ARHGAP22: variants seen among roughly 807,000 people sequenced by gnomAD.
ARHGAP22 encodes the protein Rho GTPase activating protein 22.
Under a neutral mutation model 59.1 loss-of-function variants are expected in ARHGAP22, and 48 were observed. That is an observed-to-expected ratio of 0.81 (90% confidence interval 0.64 to 1.03). The LOEUF (loss-of-function observed/expected upper bound fraction) is 1.03, where lower values mean the gene tolerates loss of function less well. ARHGAP22 is among the 50% of genes least tolerant of loss of function. The pLI, the probability that ARHGAP22 is intolerant of heterozygous loss-of-function variation, is 0.00. For synonymous variants in ARHGAP22, 445 were observed against 416.4 expected (o/e 1.07, Z -0.84); for missense variants, 1,015 against 958.7 (o/e 1.06, Z -0.78).
Position 48,450,298 on chromosome 10 carries a change from A to G in ARHGAP22, c.1831T>C (p.Cys611Arg), listed in dbSNP as rs773413850. ...GLVTELRAEL[C>R]RQRTEYERSV... ...CTCTCGTACTCAGTCCGCTGGCGGCACAGCTCGGCCCTGAGCTCAGTGACC... is the reference window on the plus strand; with the variant it reads ...CTCTCGTACTCAGTCCGCTGGCGGCGCAGCTCGGCCCTGAGCTCAGTGACC... The change falls in exon 9 of 10, where the codon TGC becomes CGC. Residue 611 changes from cysteine to arginine, a missense_variant. Transcript: ENST00000249601. 1.9e-6 allele frequency: 3 copies of G among 1,608,382 alleles called. No homozygotes were observed. The highest frequency in any genetic ancestry group is 1.3e-5 in the African/African-American group (1 of 74,856).
At chr10:48,434,970 G>A in the ARHGAP22 span, 1 of 1,546,974 alleles carries the variant, frequency 6.5e-7, no homozygotes, top group South Asian at 1.1e-5. Context: ...TCCGACTTTG[G>A]CCTCTGATAC....
intron 3 of ARHGAP22, among the ~76,000 whole-genome samples, chr10:48,502,781 G>A (rs552430831): frequency 6.6e-6 from 1 of 152,148 alleles, no homozygotes; most frequent in Admixed American, 6.5e-5. Flanking sequence ...TTTATTGATG[G>A]TCTACCATGT....
intron 3 of ARHGAP22, among the ~76,000 whole-genome samples, chr10:48,533,263 C>T (rs560180312): frequency 4.7e-5 from 7 of 150,136 alleles, no homozygotes; most frequent in Non-Finnish European, 8.9e-5. Context: ...AAGCCCCATA[C>T]ATCTTTTTCT....
intron 1 of ARHGAP22, among the ~76,000 whole-genome samples, chr10:48,603,962 A>G (rs559831872): frequency 6.6e-6 from 1 of 152,384 alleles, no homozygotes; most frequent in South Asian, 2.1e-4. Flanking sequence ...CATTGTTTAC[A>G]AAAGGAGCTC....
chr10:48,613,453 TG>T (rs2060968189), intron 1 of ARHGAP22, among the ~76,000 whole-genome samples: 1 of 152,214 alleles, frequency 6.6e-6, no homozygotes, highest in African/African-American at 2.4e-5. Context: ...TCTTAATTTC[TG>T]GACCATTATT....
chr10:48,602,652 G>T (rs1306195876), intron 1 of ARHGAP22, among the ~76,000 whole-genome samples: 3 of 152,138 alleles, frequency 2.0e-5, no homozygotes, highest in African/African-American at 7.2e-5. Flanking sequence ...AAAAAACACA[G>T]GTTGAGTGTC....
chr10:48,471,231 C>T (rs1304517354), intron 4 of ARHGAP22, among the ~76,000 whole-genome samples: 1 of 152,140 alleles, frequency 6.6e-6, no homozygotes, highest in Non-Finnish European at 1.5e-5. Context: ...AGTGCAGTTC[C>T]GATGATGACC....
Position 48,604,960 on chromosome 10 carries a change from A to G in ARHGAP22, c.-164T>C. 1 of 1,511,356 alleles carries G rather than the reference A, an allele frequency of 6.6e-7. No individual in the cohort carries two copies. Among genetic ancestry groups the G allele is most frequent in the Non-Finnish European group, 8.8e-7 (1 of 1,133,662 alleles). The allele number at this position is 1,511,356 out of a possible 1,614,324, so 93.6% of individuals were successfully genotyped here. A position where few individuals can be genotyped will look rare whatever the true frequency, so the allele number is the denominator to read the frequency against. On this transcript the variant is annotated 5_prime_UTR_variant, in exon 1 of 10. Transcript: ENST00000249601. Reference sequence around the variant, plus strand: ...CCTCGGCTACCTCTCCTGGCTCCGGACGGACGGCTCGCCTTGGACTACATA... The same window carrying G: ...CCTCGGCTACCTCTCCTGGCTCCGGGCGGACGGCTCGCCTTGGACTACATA...
At chr10:48,452,998 ACCTCT>A (rs1183962366) in intron 8 of ARHGAP22, among the ~76,000 whole-genome samples, 2 of 152,138 alleles carry the variant, frequency 1.3e-5, no homozygotes, top group African/African-American at 4.8e-5. Context: ...AAAAGTGCTG[ACCTCT>A]CCCATCCCTC....
intron 4 of ARHGAP22, among the ~76,000 whole-genome samples, chr10:48,465,775 G>C (rs1178284636): frequency 1.3e-5 from 2 of 152,164 alleles, no homozygotes; most frequent in East Asian, 1.9e-4. Flanking sequence ...ATTCTCTCTA[G>C]AGACTCCCAA....
At chr10:48,584,084 G>A (rs1290426690) in intron 1 of ARHGAP22, among the ~76,000 whole-genome samples, 1 of 152,198 alleles carries the variant, frequency 6.6e-6, no homozygotes, top group African/African-American at 2.4e-5. Context: ...CATTGCCACA[G>A]TGATCACTAG....
chr10:48,650,296 T>C (rs1182354386), intron 1 of ARHGAP22, among the ~76,000 whole-genome samples: 1 of 152,056 alleles, frequency 6.6e-6, no homozygotes, highest in African/African-American at 2.4e-5. Flanking sequence ...TTGGAAAAAT[T>C]ATGCTAAGTG....
chr10:48,468,327 T>C (rs562405037), intron 4 of ARHGAP22, among the ~76,000 whole-genome samples: 100 of 152,288 alleles, frequency 6.6e-4, no homozygotes, highest in Non-Finnish European at 1.1e-3. Context: ...GAGGTTAACC[T>C]GGGTTATCTA....
At chr10:48,541,909 C>T (rs2055984325) in intron 3 of ARHGAP22, among the ~76,000 whole-genome samples, 1 of 152,194 alleles carries the variant, frequency 6.6e-6, no homozygotes, top group Non-Finnish European at 1.5e-5. Context: ...CAGTTAAAGG[C>T]CCCTTTGCCG....
intron 3 of ARHGAP22, among the ~76,000 whole-genome samples, chr10:48,536,248 C>T (rs1211245434): frequency 6.6e-6 from 1 of 152,218 alleles, no homozygotes; most frequent in Non-Finnish European, 1.5e-5. Flanking sequence ...ATCTTCCAAG[C>T]TGGCCTTGGT....
intron 5 of ARHGAP22, 105 bp from the exon 6 acceptor site, chr10:48,455,239 A>C (rs2046376424): frequency 3.0e-6 from 4 of 1,340,424 alleles, no homozygotes; most frequent in Non-Finnish European, 3.9e-6. Context: ...TCTCAGGTGC[A>C]TTCTTGGGCG....
intron 3 of ARHGAP22, among the ~76,000 whole-genome samples, chr10:48,506,272 C>A (rs1360815910): frequency 7.2e-6 from 1 of 138,486 alleles, no homozygotes; most frequent in Non-Finnish European, 1.5e-5. Context: ...ACAGAGTGTG[C>A]TCACACAAAC....
intron 3 of ARHGAP22, among the ~76,000 whole-genome samples, chr10:48,523,417 A>C (rs1163847797): frequency 6.6e-6 from 1 of 152,230 alleles, no homozygotes; most frequent in African/African-American, 2.4e-5. Flanking sequence ...GCCGGGCCCC[A>C]GCCCCCGGGA....
At chr10:48,652,056 G>C (rs906824156) in intron 1 of ARHGAP22, among the ~76,000 whole-genome samples, 1 of 152,138 alleles carries the variant, frequency 6.6e-6, no homozygotes, top group Non-Finnish European at 1.5e-5. Flanking sequence ...TAGTTCAGGG[G>C]TGGGGTTTGT....
Sources: gnomAD v4.1 joint callset for allele counts (sites outside exome capture counted in the v4.1 genomes callset) on GRCh38, gnomAD v4.1.1 for gene constraint, MANE v1.5 for transcripts, NCBI Gene and HGNC (gene_info 2026-07-23, HGNC 2026-07-21) for gene names.